The following GDAP2 variants were observed in gnomAD, a reference collection of about 807,000 sequenced individuals.
GDAP2 encodes the protein ganglioside-induced differentiation-associated protein 2.
GDAP2 carries 51 observed loss-of-function variants against 67.0 expected under a neutral mutation model. That is an observed-to-expected ratio of 0.76 (90% CI 0.61 to 0.96). The LOEUF (loss-of-function observed/expected upper bound fraction) is 0.96, where lower values mean the gene tolerates loss of function less well. Among genes scored for constraint, GDAP2 ranks in the 40% least tolerant of loss-of-function variants. GDAP2 has a pLI of 0.00. For missense variants in GDAP2, 547 were observed against 588.3 expected, an observed-to-expected ratio of 0.93 and a Z score of 0.73; for synonymous variants, 203 against 207.3, an observed-to-expected ratio of 0.98 and a Z score of 0.18.
chr1:117,917,493 T>A (rs1282374909), intron 3 of GDAP2, among the ~76,000 whole-genome samples: 1 of 152,182 alleles, frequency 6.6e-6, no homozygotes, highest in Non-Finnish European at 1.5e-5. Flanking sequence ...GATATTAGTT[T>A]TTTCCATCTC....
chr1:117,887,677 T>TTACCATATATTTAAGC, intron 9 of GDAP2, 21 bp downstream of exon 9: 1 of 1,171,322 alleles, frequency 8.5e-7, no homozygotes, highest in Non-Finnish European at 1.3e-6. Context: ...AAAGAATAAG[T>TTACCATATATTTAAGC]TACCATATAT....
At position 117,912,602 on chromosome 1, in the gene GDAP2, T is replaced by A; in HGVS notation, c.398A>T (p.Tyr133Phe). 1.2e-6 allele frequency: 2 copies of A among 1,613,594 alleles called. No individual in the cohort carries two copies. ...RFIIHTVGPK[Y>F]KSRYRTAAES... is the part of the protein sequence containing the mutation. ...AGCTGCTGTGCGATAGCGGCTTTTA[T>A]ATTTAGGTCCCACTGTGTGAATGAT... Residue 133 changes from tyrosine to phenylalanine, a missense_variant, in exon 4 of 14, where the codon TAT becomes TTT. Transcript: ENST00000369443.
chr1:117,881,834 A>C lies in GDAP2; in HGVS notation c.1291T>G (p.Phe431Val), dbSNP rs1648656968. The C allele has an allele frequency of 1.3e-6, 2 of 1,559,052 alleles. No homozygotes were observed. The highest frequency in any genetic ancestry group is 1.4e-5 in the African/African-American group (1 of 73,982). Residue 431 changes from phenylalanine to valine, a missense_variant, in exon 12 of 14, where the codon TTT (phenylalanine) becomes GTT (valine). Phe to Val is a conservative substitution (Grantham distance 50). Coordinates refer to ENST00000369443, the MANE Select transcript of GDAP2 (RefSeq NM_017686.4). ...GAAAAATACTGTACCTTTGAACGAAATGTGGGATGTACAAAATAAACAGCC... is the reference window on the plus strand; with the variant it reads ...GAAAAATACTGTACCTTTGAACGAACTGTGGGATGTACAAAATAAACAGCC... ...LKAVYFVHPT[F>V]RSKVSTWFFT...
At chr1:117,871,545 AC>A (rs1027782363) in intron 13 of GDAP2, among the ~76,000 whole-genome samples, 6 of 152,230 alleles carry the variant, frequency 3.9e-5, no homozygotes, top group African/African-American at 1.4e-4. Flanking sequence ...TGGTACATTT[AC>A]ATTATAGCTA....
chr1:117,891,779 G>A (rs1649092944), intron 8 of GDAP2, among the ~76,000 whole-genome samples: 1 of 130,280 alleles, frequency 7.7e-6, no homozygotes, highest in South Asian at 2.6e-4. Flanking sequence ...TGCTTTTCAT[G>A]TCTTTAAAAA....
Position 117,867,140 on chromosome 1 carries a change from C to A in GDAP2, c.*3429G>T, listed in dbSNP as rs1258010234. On this transcript the variant is annotated 3_prime_UTR_variant, in exon 14 of 14. Coordinates refer to ENST00000369443, the MANE Select transcript of GDAP2 (RefSeq NM_017686.4). ...TGAATACTTAATTTTATCACTTCTC[C>A]ATTAACTGTTATAAAGACAAGACTA... The A allele has an allele frequency of 6.6e-6, 1 of 152,042 alleles. No homozygotes were observed. Among genetic ancestry groups the A allele is most frequent in the African/African-American group, 2.4e-5 (1 of 41,382 alleles). 9.4% of individuals were successfully genotyped at this position (152,042 alleles called of 1,614,324 possible).
rs1409001159 is a variant in GDAP2 at position 117,866,687 on chromosome 1, C to G, written c.*3882G>C. ...TGGCCAACATGGTGAAACCCCGTCT[C>G]TACTAAAAATACAAAAATTAGCCGG... On this transcript the variant is annotated 3_prime_UTR_variant, in exon 14 of 14. Coordinates refer to ENST00000369443, the MANE Select transcript of GDAP2 (RefSeq NM_017686.4). The G allele has an allele frequency of 6.6e-6, 1 of 152,050 alleles. No homozygotes were observed. The highest frequency in any genetic ancestry group is 2.1e-4 in the South Asian group (1 of 4,816). The allele number at this position is 152,050 out of a possible 1,614,324, so 9.4% of individuals were successfully genotyped here. A position where few individuals can be genotyped will look rare whatever the true frequency, so the allele number is the denominator to read the frequency against.
In GDAP2 at chr1:117,884,821, T is replaced by C. The variant is rs1414946527; in HGVS notation, c.1108-1194A>G. 2.0e-5 allele frequency among the ~76,000 whole-genome samples: 3 copies of C among 151,552 alleles called. No homozygotes were observed. In the South Asian group the frequency reaches 6.3e-4, roughly 32 times the overall value. ...CATCAGTTTATTCCCTCCGTGTGTG[T>C]GTGTGTGTGTGTGTGTGTGTGTGTT... is the stretch of plus-strand genomic sequence containing the variant. On this transcript the variant is annotated intron_variant, in intron 10 of 13. Transcript: ENST00000369443.
intron 12 of GDAP2, among the ~76,000 whole-genome samples, chr1:117,880,261 C>T (rs554331365): frequency 1.6e-3 from 246 of 152,112 alleles, no homozygotes; most frequent in African/African-American, 5.4e-3. Context: ...GGAGAGAAAC[C>T]AGGCAAGGTA....
At chr1:117,910,075 G>A (rs185523084) in intron 5 of GDAP2, among the ~76,000 whole-genome samples, 18 of 152,168 alleles carry the variant, frequency 1.2e-4, no homozygotes, top group South Asian at 8.3e-4. Context: ...TTTTGCTTTC[G>A]TTAGGTACCA....
intron 6 of GDAP2, among the ~76,000 whole-genome samples, chr1:117,902,769 T>C (rs966985470): frequency 6.6e-5 from 10 of 152,210 alleles, no homozygotes; most frequent in Non-Finnish European, 1.3e-4. Flanking sequence ...ATGTGAAATT[T>C]AGGATCAACT....
intron 1 of GDAP2, among the ~76,000 whole-genome samples, chr1:117,921,276 A>C (rs1424055930): frequency 1.3e-5 from 2 of 152,352 alleles, no homozygotes; most frequent in East Asian, 1.9e-4. Context: ...TTATGTGTTA[A>C]ATACTATTCT....
intron 6 of GDAP2, among the ~76,000 whole-genome samples, chr1:117,904,666 C>T (rs1253105759): frequency 1.3e-5 from 2 of 152,158 alleles, no homozygotes; most frequent in African/African-American, 4.8e-5. Flanking sequence ...GTGGTGCATA[C>T]CTTAGCAGAG....
In GDAP2 at chr1:117,899,217, C is replaced by A; in HGVS notation, c.637-1G>T. 6.2e-7 allele frequency: 1 copy of A among 1,606,484 alleles called. No homozygotes were observed. Among genetic ancestry groups the A allele is most frequent in the Non-Finnish European group, 8.5e-7 (1 of 1,173,170 alleles). On this transcript the variant is annotated splice_acceptor_variant, in intron 6 of 13. Transcript: ENST00000369443. LOFTEE classifies it high-confidence loss of function. ...GAGGTAGCAGCTTTTGGTAAGTACC[C>A]TGTGTCAGAAAAGCAAGACATTCTG...
At chr1:117,895,366 T>C (rs1649229360) in intron 8 of GDAP2, among the ~76,000 whole-genome samples, 1 of 152,154 alleles carries the variant, frequency 6.6e-6, no homozygotes, top group Non-Finnish European at 1.5e-5. Context: ...TGTCTTCCAT[T>C]AAATCAAACA....
chr1:117,863,516 C>G lies in GDAP2; in HGVS notation c.*7053G>C, dbSNP rs1046955662. On this transcript the variant is annotated 3_prime_UTR_variant, in exon 14 of 14. Transcript: ENST00000369443. ...GAATATTCCTTTACTGTAGCACAATCTGGCATGACTGCCTTTAAATGAAAT... is the reference window on the plus strand; with the variant it reads ...GAATATTCCTTTACTGTAGCACAATGTGGCATGACTGCCTTTAAATGAAAT... 2 of 152,220 alleles carry G rather than the reference C, an allele frequency of 1.3e-5. No individual in the cohort carries two copies. The highest frequency in any genetic ancestry group is 4.8e-5 in the African/African-American group (2 of 41,464). 9.4% of individuals were successfully genotyped at this position (152,220 alleles called of 1,614,324 possible).
At position 117,870,934 on chromosome 1, in the gene GDAP2, C is replaced by T. The variant is rs542450746; in HGVS notation, c.1447-318G>A. Among the ~76,000 whole-genome samples, 3 of 152,310 alleles carry T rather than the reference C, an allele frequency of 2.0e-5. No individual in the cohort carries two copies. In the East Asian group the frequency reaches 5.8e-4, roughly 29 times the overall value. ...TGCCATGAAGTAGGTAACATCCTCACTTTACAGAAGAGGAAACTGAGGATC... is the reference window on the plus strand; with the variant it reads ...TGCCATGAAGTAGGTAACATCCTCATTTTACAGAAGAGGAAACTGAGGATC... On this transcript the variant is annotated intron_variant, in intron 13 of 13. Coordinates refer to ENST00000369443, the MANE Select transcript of GDAP2 (RefSeq NM_017686.4).
chr1:117,892,042 T>C (rs1211299682), intron 8 of GDAP2, among the ~76,000 whole-genome samples: 1 of 152,152 alleles, frequency 6.6e-6, no homozygotes, highest in Non-Finnish European at 1.5e-5. Flanking sequence ...CATCAGATTC[T>C]TAAAGGGTTC....
intron 8 of GDAP2, among the ~76,000 whole-genome samples, chr1:117,889,999 T>C (rs1214122020): frequency 1.3e-5 from 2 of 152,108 alleles, no homozygotes; most frequent in African/African-American, 2.4e-5. Context: ...AACATGAGTA[T>C]TATGTAAGGT....
Sources: allele counts gnomAD v4.1 joint callset (sites outside exome capture counted in the v4.1 genomes callset), GRCh38; gene constraint gnomAD v4.1.1; transcripts MANE v1.5; gene names NCBI Gene and HGNC (gene_info 2026-07-23, HGNC 2026-07-21).